The following UBTD1 variants were observed in gnomAD, a reference collection of about 807,000 sequenced individuals.
UBTD1 encodes ubiquitin domain containing 1, also known as ubiquitin domain-containing protein 1.
Under a neutral mutation model 21.7 loss-of-function variants are expected in UBTD1, and 19 were observed. The ratio of observed to expected loss-of-function variants is 0.87; its 90% CI spans 0.61 to 1.28. UBTD1 has a LOEUF of 1.28. Among genes scored for constraint, UBTD1 ranks in the 50% most tolerant of loss-of-function variants. The pLI, the probability that UBTD1 is intolerant of heterozygous loss-of-function variation, is 0.00. For missense variants in UBTD1, 282 were observed against 315.1 expected, an observed-to-expected ratio of 0.89 and a Z score of 0.80; for synonymous variants, 116 against 135.1, an observed-to-expected ratio of 0.86 and a Z score of 0.98.
chr10:97,547,187 G>C lies in UBTD1; in HGVS notation c.71-20727G>C, dbSNP rs544530456. ...CTGTGCCGTTCGCTTCTAGGCACCTGGCTGCCGTGCCGGTGCCCGTTGGGT... is the reference window on the plus strand; with the variant it reads ...CTGTGCCGTTCGCTTCTAGGCACCTCGCTGCCGTGCCGGTGCCCGTTGGGT... On this transcript the variant is annotated intron_variant, in intron 1 of 2. Transcript: ENST00000370664. 9.2e-4 allele frequency among the ~76,000 whole-genome samples: 140 copies of C among 152,308 alleles called. 2 individuals are homozygous for C. The highest frequency in any genetic ancestry group is 3.4e-3 in the Middle Eastern group (1 of 294).
At chr10:97,554,431 G>T (rs1477252789) in intron 1 of UBTD1, among the ~76,000 whole-genome samples, 4 of 151,888 alleles carry the variant, frequency 2.6e-5, no homozygotes, top group African/African-American at 9.7e-5. Flanking sequence ...ATTTTTAGTA[G>T]ATATGGTGTT....
intron 1 of UBTD1, among the ~76,000 whole-genome samples, chr10:97,564,506 G>A (rs920553627): frequency 4.8e-4 from 73 of 152,082 alleles, no homozygotes; most frequent in African/African-American, 1.6e-3. Flanking sequence ...GCCTCTAAGG[G>A]CAGCCACCTG....
intron 1 of UBTD1, among the ~76,000 whole-genome samples, chr10:97,553,328 C>T (rs2040649161): frequency 6.6e-6 from 1 of 152,162 alleles, no homozygotes; most frequent in Admixed American, 6.5e-5. Context: ...GATGAGGTTT[C>T]ACCATGTTGG....
At chr10:97,562,305 C>G (rs1028802353) in intron 1 of UBTD1, among the ~76,000 whole-genome samples, 1 of 152,126 alleles carries the variant, frequency 6.6e-6, no homozygotes, top group Non-Finnish European at 1.5e-5. Context: ...CGGTGTCACG[C>G]GCATCCATGT....
At position 97,565,567 on chromosome 10, in the gene UBTD1, C is replaced by T. The variant is rs977657113; in HGVS notation, c.71-2347C>T. Among the ~76,000 whole-genome samples, 10 of 152,058 alleles carry T rather than the reference C, an allele frequency of 6.6e-5. 1 individual carries two copies. Among genetic ancestry groups the T allele is most frequent in the Admixed American group, 6.5e-5 (1 of 15,270 alleles). ...CTTGGGAGGCTGCTGGGGGAGAATA[C>T]CTTGAGCCCAGGAGTTTGAGGCTGC... On this transcript the variant is annotated intron_variant, in intron 1 of 2. Coordinates refer to ENST00000370664, the MANE Select transcript of UBTD1 (RefSeq NM_024954.5).
chr10:97,518,796 G>C (rs1482610134), intron 1 of UBTD1, among the ~76,000 whole-genome samples: 1 of 152,244 alleles, frequency 6.6e-6, no homozygotes, highest in Non-Finnish European at 1.5e-5. Context: ...CGGGAAACAA[G>C]GAGAGAAATA....
intron 1 of UBTD1, among the ~76,000 whole-genome samples, chr10:97,508,937 C>T (rs1212956802): frequency 6.6e-6 from 1 of 152,204 alleles, no homozygotes; most frequent in Non-Finnish European, 1.5e-5. Context: ...CTTTCCAACA[C>T]CCAGATGCCA....
chr10:97,542,546 G>A (rs1411798714), intron 1 of UBTD1, among the ~76,000 whole-genome samples: 9 of 152,194 alleles, frequency 5.9e-5, no homozygotes, highest in Admixed American at 5.9e-4. Flanking sequence ...TAAAGAGAGT[G>A]TCCCATGGGC....
At chr10:97,514,407 A>G (rs1206884814) in intron 1 of UBTD1, among the ~76,000 whole-genome samples, 1 of 151,866 alleles carries the variant, frequency 6.6e-6, no homozygotes, top group Non-Finnish European at 1.5e-5. Context: ...TTTACTGCCC[A>G]GTTTCTTAAG....
At chr10:97,559,771 G>C (rs1040651107) in intron 1 of UBTD1, among the ~76,000 whole-genome samples, 2 of 152,076 alleles carry the variant, frequency 1.3e-5, no homozygotes, top group Admixed American at 1.3e-4. Context: ...TTAATGTCCA[G>C]TTCACCGAAA....
Position 97,509,188 on chromosome 10 carries a change from G to C in UBTD1, c.70+9915G>C, listed in dbSNP as rs149235217. On this transcript the variant is annotated intron_variant, in intron 1 of 2. Transcript: ENST00000370664. ...CCATCCTGTTAGATAGGCAAGGCAG[G>C]ACTCATTTTTCCCGTTTTATAGGTG... Among the ~76,000 whole-genome samples, 83 of 152,306 alleles carry C rather than the reference G, an allele frequency of 5.4e-4. 1 individual carries two copies. Among genetic ancestry groups the C allele is most frequent in the African/African-American group, 1.5e-3 (64 of 41,574 alleles).
At chr10:97,565,344 C>T (rs994057249) in intron 1 of UBTD1, among the ~76,000 whole-genome samples, 2 of 152,178 alleles carry the variant, frequency 1.3e-5, no homozygotes, top group Admixed American at 6.5e-5. Context: ...AATCAGTTTG[C>T]CAGGTTCCTT....
intron 1 of UBTD1, among the ~76,000 whole-genome samples, chr10:97,527,445 T>A (rs2040494908): frequency 1.3e-5 from 2 of 149,534 alleles, no homozygotes; most frequent in Admixed American, 6.6e-5. Context: ...TGCCCTTCTT[T>A]TTTATTTATT....
At chr10:97,499,544 C>A (rs568698071) in intron 1 of UBTD1, among the ~76,000 whole-genome samples, 1 of 152,264 alleles carries the variant, frequency 6.6e-6, no homozygotes, top group East Asian at 1.9e-4. Context: ...GTTTGCAGAC[C>A]GCAGCGGGGC....
chr10:97,513,287 A>T (rs1013507808), intron 1 of UBTD1, among the ~76,000 whole-genome samples: 1 of 152,192 alleles, frequency 6.6e-6, no homozygotes, highest in Non-Finnish European at 1.5e-5. Flanking sequence ...TTGGGAGAGG[A>T]AGCAAAGACA....
In UBTD1 at chr10:97,516,934, C is replaced by T. The variant is rs76492077; in HGVS notation, c.70+17661C>T. Among the ~76,000 whole-genome samples, 25 of 152,170 alleles carry T rather than the reference C, an allele frequency of 1.6e-4. No homozygotes were observed. The East Asian group carries it at 4.7e-3, about 28-fold the overall frequency. ...TAAGAGGTGGGGCCTGATGGCACCT[C>T]GGATGCTGACTGCGGGGCAGGGCCA... On this transcript the variant is annotated intron_variant, in intron 1 of 2. Coordinates refer to ENST00000370664, the MANE Select transcript of UBTD1 (RefSeq NM_024954.5).
At chr10:97,524,657 AGTTT>A (rs2040480453) in intron 1 of UBTD1, among the ~76,000 whole-genome samples, 1 of 152,146 alleles carries the variant, frequency 6.6e-6, no homozygotes, top group Non-Finnish European at 1.5e-5. Context: ...AAGAATGAGG[AGTTT>A]GTTTTTCTGT....
chr10:97,570,243 G>A lies in UBTD1; in HGVS notation c.404G>A (p.Ser135Asn). The change falls in exon 3 of 3, where the codon AGC becomes AAC. Residue 135 changes from serine (S) to asparagine (N), a missense_variant. Coordinates refer to ENST00000370664, the MANE Select transcript of UBTD1 (RefSeq NM_024954.5). The surrounding 1 kb of genome is among the most constrained non-coding windows in gnomAD (Gnocchi z 6.6). ...CTGCTGGAGCACACGGAGGAGGAGAGCCTGGAGCCCCCCGAGCCTCCACCC... is the reference window on the plus strand; with the variant it reads ...CTGCTGGAGCACACGGAGGAGGAGAACCTGGAGCCCCCCGAGCCTCCACCC... Reference protein sequence around the residue: ...NLLLEHTEEESLEPPEPPPSV... With the variant: ...NLLLEHTEEENLEPPEPPPSV... 1.2e-6 allele frequency: 2 copies of A among 1,613,126 alleles called. No homozygotes were observed. The highest frequency in any genetic ancestry group is 1.1e-5 in the South Asian group (1 of 91,072).
intron 1 of UBTD1, among the ~76,000 whole-genome samples, chr10:97,564,917 GATA>G (rs2040710448): frequency 6.6e-6 from 1 of 152,168 alleles, no homozygotes; most frequent in Admixed American, 6.5e-5. Flanking sequence ...GAGGACTTAA[GATA>G]ATAACTCTTT....
Sources: gnomAD v4.1 joint callset for allele counts (sites outside exome capture counted in the v4.1 genomes callset) on GRCh38, gnomAD v4.1.1 for gene constraint, Gnocchi (gnomAD v3.1) non-coding constraint, MANE v1.5 for transcripts, NCBI Gene and HGNC (gene_info 2026-07-23, HGNC 2026-07-21) for gene names.